The following FUS variants were observed in gnomAD, a reference collection of about 807,000 sequenced individuals.
FUS encodes FUS RNA binding protein, also known as RNA-binding protein FUS.
In FUS, 5 loss-of-function variants were observed where a neutral mutation model predicts 82.7. The observed-to-expected ratio is 0.06, with a 90% CI of 0.03 to 0.13. The LOEUF is 0.13. FUS is among the 10% of genes least tolerant of loss of function. The probability of loss-of-function intolerance (pLI) is 1.00; values close to 1 mark genes in which losing one functional copy is unlikely to be tolerated. For synonymous variants in FUS, 281 were observed against 247.4 expected (o/e 1.14, Z -1.27); for missense variants, 512 against 707.8 (o/e 0.72, Z 3.14).
intron 7 of FUS, chr16:31,188,118 G>A: frequency 1.6e-6 from 1 of 607,604 alleles, no homozygotes; most frequent in Non-Finnish European, 2.9e-6. Context: ...TCAAGTTACA[G>A]ATCTTAAGGG....
downstream of FUS, chr16:31,194,736 C>T (rs184109677): frequency 1.2e-5 from 6 of 484,792 alleles, no homozygotes; most frequent in African/African-American, 9.8e-5. Context: ...TGAATGAGAA[C>T]ATACAAAGCC....
intron 8 of FUS, chr16:31,188,891 C>T (rs951692097): frequency 3.7e-5 from 21 of 565,030 alleles, no homozygotes; most frequent in Non-Finnish European, 6.0e-5. Context: ...GCCCTGGTTT[C>T]CATACTGTAT....
At position 31,191,547 on chromosome 16, in the gene FUS, G is replaced by A. The variant is rs764642459; in HGVS notation, c.*109G>A. On this transcript the variant is annotated 3_prime_UTR_variant, in exon 15 of 15. Coordinates refer to ENST00000254108, the MANE Select transcript of FUS (RefSeq NM_004960.4). The stretch of plus-strand genomic sequence containing the variant: ...GATCACCCAAGGGTTTTTTTGTGTC[G>A]GACTATGTAATTGTAACTATACCTC... 79 of 1,214,702 alleles carry A rather than the reference G, an allele frequency of 6.5e-5. No individual in the cohort carries two copies. Among genetic ancestry groups the A allele is most frequent in the Non-Finnish European group, 9.1e-5 (75 of 826,240 alleles). 75.2% of individuals were successfully genotyped at this position (1,214,702 alleles called of 1,614,324 possible).
chr16:31,189,220 T>C lies in FUS; in HGVS notation c.930T>C (p.Ile310=), dbSNP rs1302195976. The change falls in exon 9 of 15, where the codon ATT becomes ATC. Residue 310 remains isoleucine, a synonymous_variant. Coordinates refer to ENST00000254108, the MANE Select transcript of FUS (RefSeq NM_004960.4). ...SVADYFKQIG[I]IKTNKKTGQP... is the part of the protein sequence containing the mutation. ...CTGATTACTTCAAGCAGATTGGTAT[T>C]ATTAAGGTACTTGTGGAGAGGAGTG... 2 of 1,607,470 alleles carry C rather than the reference T, an allele frequency of 1.2e-6. No individual in the cohort carries two copies. The highest frequency in any genetic ancestry group is 2.2e-5 in the East Asian group (1 of 44,810).
At position 31,180,155 on chromosome 16, in the gene FUS, G is replaced by A. The variant is rs748670179; in HGVS notation, c.-60G>A. On this transcript the variant is annotated 5_prime_UTR_variant, in exon 1 of 15. Transcript: ENST00000254108. ...GGCGGGGCTGCTCAGTCCTCCAGGCGTCGGTACTCAGCGGTGTTGGAACTT... is the reference window on the plus strand; with the variant it reads ...GGCGGGGCTGCTCAGTCCTCCAGGCATCGGTACTCAGCGGTGTTGGAACTT... 5.6e-6 allele frequency: 9 copies of A among 1,594,574 alleles called. No individual in the cohort carries two copies. The Admixed American group carries it at 1.1e-4, about 19-fold the overall frequency.
At position 31,190,356 on chromosome 16, in the gene FUS, G is replaced by A. The variant is rs2144136418; in HGVS notation, c.1250G>A (p.Gly417Asp). Residue 417 changes from glycine (G) to aspartate (D), a missense_variant, in exon 12 of 15, where the codon GGT becomes GAT. This residue lies in a region of FUS where 63 missense variants were observed against 83.0 expected (regional missense o/e 0.76). Coordinates refer to ENST00000254108, the MANE Select transcript of FUS (RefSeq NM_004960.4). ...RGGFPSGGGG[G>D]GGQQRAGDWK... ...GGATTTCCCAGTGGAGGTGGTGGCG[G>A]TGGAGGACAGCAGCGAGCTGGTGAC... The A allele has an allele frequency of 6.2e-7, 1 of 1,614,200 alleles. No homozygotes were observed. Among genetic ancestry groups the A allele is most frequent in the South Asian group, 1.1e-5 (1 of 91,086 alleles).
At chr16:31,184,797 G>A in intron 5 of FUS, 142 bp from the exon 6 acceptor site, 1 of 858,940 alleles carries the variant, frequency 1.2e-6, no homozygotes, top group African/African-American at 1.7e-5. Context: ...CTTAAAAGAG[G>A]GTTCCTGTCT....
intron 6 of FUS, chr16:31,186,498 A>G: frequency 2.1e-6 from 1 of 484,932 alleles, no homozygotes; most frequent in Non-Finnish European, 3.8e-6. Flanking sequence ...AAGAGGAAAA[A>G]AAAACATCTG....
chr16:31,186,849 A>T lies in FUS; in HGVS notation c.799+13A>T, dbSNP rs374716753. The stretch of plus-strand genomic sequence containing the variant: ...AATAAATTTGGTGGTAAGTGAACAG[A>T]GTTTCCAAAATTCCCAACTCCCAGC... On this transcript the variant is annotated intron_variant, in intron 7 of 14. Transcript: ENST00000254108. 1.3e-4 allele frequency: 204 copies of T among 1,612,138 alleles called. No individual in the cohort carries two copies. The highest frequency in any genetic ancestry group is 1.6e-4 in the Non-Finnish European group (190 of 1,178,244).
At chr16:31,182,012 T>A (rs1249749742) in intron 1 of FUS, among the ~76,000 whole-genome samples, 2 of 152,134 alleles carry the variant, frequency 1.3e-5, no homozygotes, top group African/African-American at 2.4e-5. Flanking sequence ...TATTTTTATT[T>A]TTTTTTTTGA....
chr16:31,182,742 A>C (rs780643155), intron 3 of FUS, 78 bp downstream of exon 3: 1 of 1,579,320 alleles, frequency 6.3e-7, no homozygotes, highest in Admixed American at 1.7e-5. Flanking sequence ...TTGGAGACGG[A>C]GTCTGGTCCT....
chr16:31,192,838 C>T (rs577063880), downstream of FUS: 1 of 483,560 alleles, frequency 2.1e-6, no homozygotes, highest in Non-Finnish European at 4.1e-6. Flanking sequence ...TCCCAAAGTG[C>T]TGGAATTACA....
chr16:31,180,827 G>A (rs765474147), intron 1 of FUS, among the ~76,000 whole-genome samples: 6 of 152,178 alleles, frequency 3.9e-5, no homozygotes, highest in Admixed American at 6.5e-5. Flanking sequence ...GATCGGGGCC[G>A]CCCTCTAGCT....
chr16:31,191,204 C>A (rs2079352495), intron 14 of FUS, 94 bp downstream of exon 14: 26 of 1,543,560 alleles, frequency 1.7e-5, no homozygotes, highest in Non-Finnish European at 2.3e-5. Flanking sequence ...ATTTTGAGGG[C>A]TAGGTGGAAA....
At chr16:31,192,254 G>A (rs1446136836), downstream of FUS, 1 of 526,094 alleles carries the variant, frequency 1.9e-6, no homozygotes, top group Non-Finnish European at 3.7e-6. Context: ...CTTTTTGATT[G>A]GAGGGTGGAA....
At chr16:31,186,948 A>G (rs2079279477) in intron 7 of FUS, 112 bp downstream of exon 7, 1 of 1,055,640 alleles carries the variant, frequency 9.5e-7, no homozygotes, top group African/African-American at 1.6e-5. Context: ...TGAGGTGTCC[A>G]GAACCACCTC....
chr16:31,186,552 C>A, intron 6 of FUS: 2 of 553,680 alleles, frequency 3.6e-6, no homozygotes, highest in Non-Finnish European at 3.2e-6. Context: ...ATTTTTTTTC[C>A]AGAGGAAATA....
chr16:31,186,386 C>T (rs1596901068), intron 6 of FUS: 3 of 346,104 alleles, frequency 8.7e-6, no homozygotes, highest in African/African-American at 6.2e-5. Context: ...GCAAAAACCA[C>T]AAAAATGTGT....
intron 10 of FUS, 51 bp from the exon 11 acceptor site, chr16:31,189,989 G>C: frequency 1.9e-6 from 3 of 1,572,322 alleles, no homozygotes; most frequent in African/African-American, 2.7e-5. Context: ...TGTATTTTCG[G>C]ATTAATGTGT....
Sources: gnomAD v4.1 joint callset for allele counts (sites outside exome capture counted in the v4.1 genomes callset) on GRCh38, gnomAD v4.1.1 for gene constraint, gnomAD v4.1.1 regional missense constraint, MANE v1.5 for transcripts, NCBI Gene and HGNC (gene_info 2026-07-23, HGNC 2026-07-21) for gene names.